CUX1: variants seen among roughly 807,000 people sequenced by gnomAD.
CUX1 encodes the protein cut like homeobox 1.
Under a neutral mutation model 158.8 loss-of-function variants are expected in CUX1, and 31 were observed. That is an observed-to-expected ratio of 0.20 (90% CI 0.15 to 0.26). The LOEUF is 0.26. Among genes scored for constraint, CUX1 ranks in the 10% least tolerant of loss-of-function variants. The probability of loss-of-function intolerance (pLI) is 1.00; values close to 1 mark genes in which losing one functional copy is unlikely to be tolerated. For missense variants in CUX1, 1,589 were observed against 2,014.6 expected, an observed-to-expected ratio of 0.79 and a Z score of 4.04; for synonymous variants, 879 against 862.1, an observed-to-expected ratio of 1.02 and a Z score of -0.34.
At chr7:101,977,454 A>G (rs936966494) in intron 2 of CUX1, among the ~76,000 whole-genome samples, 2 of 152,184 alleles carry the variant, frequency 1.3e-5, no homozygotes, top group African/African-American at 4.8e-5. Flanking sequence ...CAGCCTGGAC[A>G]GTGTAGCAAG....
intron 2 of CUX1, among the ~76,000 whole-genome samples, chr7:101,949,192 T>C (rs1275219411): frequency 6.7e-6 from 1 of 149,884 alleles, no homozygotes; most frequent in Non-Finnish European, 1.5e-5. Flanking sequence ...AGTGCAGTAG[T>C]GCGATCTCAG....
chr7:102,231,962 C>T (rs1799047656), intron 21 of CUX1, among the ~76,000 whole-genome samples: 1 of 151,638 alleles, frequency 6.6e-6, no homozygotes, highest in Admixed American at 6.6e-5. Context: ...ATCTGCCCAC[C>T]TTGGCCTTGC....
chr7:102,168,833 G>A (rs969507310), intron 9 of CUX1, among the ~76,000 whole-genome samples: 1 of 151,446 alleles, frequency 6.6e-6, no homozygotes, highest in Non-Finnish European at 1.5e-5. Flanking sequence ...TTAGCCACAC[G>A]CTGCCATGCC....
At chr7:102,074,802 TAC>T (rs1826520413) in intron 4 of CUX1, among the ~76,000 whole-genome samples, 1 of 152,218 alleles carries the variant, frequency 6.6e-6, no homozygotes, top group South Asian at 2.1e-4. Flanking sequence ...GCCGTCTTCT[TAC>T]TGCCTGCCTT....
chr7:102,014,858 CAAA>C (rs59972216), intron 2 of CUX1, among the ~76,000 whole-genome samples: 53,001 of 127,782 alleles, frequency 0.41, 10,083 homozygotes, highest in Middle Eastern at 0.46. Context: ...CCCCAACCAC[CAAA>C]AAAAAAAAAA....
chr7:102,010,028 C>G (rs188537263), intron 2 of CUX1, among the ~76,000 whole-genome samples: 1 of 152,074 alleles, frequency 6.6e-6, no homozygotes, highest in Non-Finnish European at 1.5e-5. Context: ...CTCAGAACTG[C>G]GGACTTCTTA....
At chr7:102,074,734 C>T (rs1563207948) in intron 4 of CUX1, among the ~76,000 whole-genome samples, 2 of 152,222 alleles carry the variant, frequency 1.3e-5, no homozygotes, top group South Asian at 4.1e-4. Flanking sequence ...ATCTGACTGC[C>T]GCCTGGACTT....
intron 3 of CUX1, among the ~76,000 whole-genome samples, chr7:102,062,781 G>C (rs546518707): frequency 6.6e-6 from 1 of 151,982 alleles, no homozygotes; most frequent in African/African-American, 2.4e-5. Flanking sequence ...GATTATAGGC[G>C]TGAGCCACTG....
chr7:102,251,199 G>T lies in CUX1; in HGVS notation c.*2157G>T. On this transcript the variant is annotated 3_prime_UTR_variant, in exon 24 of 24. Coordinates refer to ENST00000292535, the MANE Select transcript of CUX1 (RefSeq NM_181552.4). ...CATCTTTGGATGACATTTTAATGGT[G>T]CATTCATTATTTCTTAAGTTTAATT... The T allele has an allele frequency of 1.0e-6, 1 of 978,098 alleles. No homozygotes were observed. The highest frequency in any genetic ancestry group is 1.2e-6 in the Non-Finnish European group (1 of 825,928). The allele number at this position is 978,098 out of a possible 1,614,324, so 60.6% of individuals were successfully genotyped here. A position where few individuals can be genotyped will look rare whatever the true frequency, so the allele number is the denominator to read the frequency against.
intron 8 of CUX1, among the ~76,000 whole-genome samples, chr7:102,141,896 C>T (rs1834511588): frequency 6.6e-6 from 1 of 151,706 alleles, no homozygotes; most frequent in South Asian, 2.1e-4. Context: ...CCGCCTCAGC[C>T]TCTCAGAGTG....
At chr7:101,971,219 T>C (rs1331555148) in intron 2 of CUX1, among the ~76,000 whole-genome samples, 2 of 152,214 alleles carry the variant, frequency 1.3e-5, no homozygotes, top group Non-Finnish European at 2.9e-5. Context: ...CTTGACACTA[T>C]GCCATTCCTG....
chr7:102,090,790 G>A (rs370987858), intron 4 of CUX1, among the ~76,000 whole-genome samples: 25 of 151,776 alleles, frequency 1.6e-4, no homozygotes, highest in African/African-American at 6.0e-4. Context: ...TCAGATTTGA[G>A]TTGGTAAATA....
intron 8 of CUX1, among the ~76,000 whole-genome samples, chr7:102,145,984 G>C (rs1366921981): frequency 2.6e-5 from 4 of 152,024 alleles, no homozygotes; most frequent in African/African-American, 9.7e-5. Context: ...AAATAAAAAT[G>C]CAGTGGAGAA....
chr7:102,003,241 G>A (rs893160862), intron 2 of CUX1, among the ~76,000 whole-genome samples: 2 of 151,146 alleles, frequency 1.3e-5, no homozygotes, highest in Middle Eastern at 3.4e-3. Context: ...CACAAGGGGC[G>A]GGGGTCTCTG....
At chr7:102,173,997 G>A (rs1291033492) in intron 10 of CUX1, among the ~76,000 whole-genome samples, 1 of 152,156 alleles carries the variant, frequency 6.6e-6, no homozygotes, top group African/African-American at 2.4e-5. Flanking sequence ...TGTAGATCTA[G>A]CAAAGGCCAA....
intron 14 of CUX1, 47 bp downstream of exon 14, chr7:102,195,650 A>G: frequency 5.2e-6 from 8 of 1,529,156 alleles, no homozygotes; most frequent in Non-Finnish European, 7.1e-6. Context: ...GTTCGCTTCC[A>G]GGGGTCGGTC....
chr7:102,076,300 G>T (rs1826712657), intron 4 of CUX1, among the ~76,000 whole-genome samples: 1 of 151,948 alleles, frequency 6.6e-6, no homozygotes, highest in Non-Finnish European at 1.5e-5. Context: ...CAGGACAGTC[G>T]GTTGAACCCA....
intron 23 of CUX1, among the ~76,000 whole-genome samples, chr7:102,244,426 G>A (rs537600087): frequency 6.6e-6 from 1 of 152,274 alleles, no homozygotes; most frequent in East Asian, 1.9e-4. Flanking sequence ...CTCAGGCTGG[G>A]CCGGGCACGG....
At position 102,283,016 on chromosome 7, in the gene CUX1, C is replaced by T. The variant is rs543505196; in HGVS notation, c.1968-5C>T. ...GGCCTCAGCAAAGCTTCCCGTGTCCCCCAGGTTCGCTGACCACCTGCACAA... is the reference window on the plus strand; with the variant it reads ...GGCCTCAGCAAAGCTTCCCGTGTCCTCCAGGTTCGCTGACCACCTGCACAA... On this transcript the variant is annotated splice_region_variant and splice_polypyrimidine_tract_variant and intron_variant, in intron 22 of 22. Transcript: ENST00000292538. 17 of 1,612,976 alleles carry T rather than the reference C, an allele frequency of 1.1e-5. No individual in the cohort carries two copies. The South Asian group carries it at 1.8e-4, about 17-fold the overall frequency.
Sources: gnomAD v4.1 joint callset for allele counts (sites outside exome capture counted in the v4.1 genomes callset) on GRCh38, gnomAD v4.1.1 for gene constraint, MANE v1.5 for transcripts, NCBI Gene and HGNC (gene_info 2026-07-23, HGNC 2026-07-21) for gene names.